Variants in UTRN observed in about 807,000 individuals in gnomAD.
UTRN encodes dystrophin-related protein 1.
In UTRN, 283 loss-of-function variants were observed where a neutral mutation model predicts 463.9. That is an observed-to-expected ratio of 0.61 (90% confidence interval 0.55 to 0.67). UTRN has a LOEUF of 0.67. Among genes scored for constraint, UTRN ranks in the 30% least tolerant of loss-of-function variants. UTRN has a pLI of 0.00. For synonymous variants in UTRN, 1,442 were observed against 1,431.5 expected (o/e 1.01, Z -0.17); for missense variants, 3,922 against 4,084.3 (o/e 0.96, Z 1.08).
intron 74 of UTRN, among the ~76,000 whole-genome samples, chr6:144,850,286 C>T (rs572138480): frequency 6.6e-5 from 10 of 152,140 alleles, no homozygotes; most frequent in Admixed American, 3.9e-4. Flanking sequence ...AGGATAAAGT[C>T]CCCCATAAAA....
At chr6:144,490,008 G>T (rs1036279862) in intron 30 of UTRN, 63 bp from the exon 31 acceptor site, 2 of 1,567,810 alleles carry the variant, frequency 1.3e-6, no homozygotes, top group African/African-American at 1.4e-5. Flanking sequence ...CTTTTGTATT[G>T]TCTCTTTTTA....
intron 9 of UTRN, among the ~76,000 whole-genome samples, chr6:144,432,725 T>C (rs1212303762): frequency 6.6e-6 from 1 of 151,940 alleles, no homozygotes; most frequent in Non-Finnish European, 1.5e-5. Flanking sequence ...CTTGGGTGTT[T>C]CTCGCAGAGG....
At chr6:144,581,457 A>G (rs1484244676) in intron 51 of UTRN, among the ~76,000 whole-genome samples, 5 of 151,970 alleles carry the variant, frequency 3.3e-5, no homozygotes, top group Non-Finnish European at 7.4e-5. Context: ...GCTCTCTAAT[A>G]ATTTACGTTT....
chr6:144,565,090 A>G (rs1395392484), intron 50 of UTRN, among the ~76,000 whole-genome samples: 1 of 152,188 alleles, frequency 6.6e-6, no homozygotes, highest in Non-Finnish European at 1.5e-5. Flanking sequence ...GTATGCCAGC[A>G]ATGATGGAAA....
chr6:144,565,083 T>C (rs1800283970), intron 50 of UTRN, among the ~76,000 whole-genome samples: 1 of 152,166 alleles, frequency 6.6e-6, no homozygotes, highest in Non-Finnish European at 1.5e-5. Context: ...GGCTACTGTA[T>C]GCCAGCAATG....
At position 144,693,443 on chromosome 6, in the gene UTRN, T is replaced by G. The variant is rs369113629; in HGVS notation, c.7653-6644T>G. On this transcript the variant is annotated intron_variant, in intron 52 of 74. Transcript: ENST00000367545. ...TTCTGTGAAGAACATTATTGGTAGT[T>G]TAATAGGAATAGCATTGAATTTATA... Among the ~76,000 whole-genome samples the G allele has an allele frequency of 3.3e-5, 5 of 152,334 alleles. No individual in the cohort carries two copies. In the East Asian group the frequency reaches 5.8e-4, roughly 18 times the overall value.
At position 144,430,410 on chromosome 6, in the gene UTRN, G is replaced by C. The variant is rs1785696127; in HGVS notation, c.855+669G>C. ...CCAGTCCTTGTAATTCATAAGATGA[G>C]AGAATCTTAAGAATTGGACCTTAGA... On this transcript the variant is annotated intron_variant, in intron 9 of 74. Coordinates refer to ENST00000367545, the MANE Select transcript of UTRN (RefSeq NM_007124.3). Among the ~76,000 whole-genome samples, 2 of 152,192 alleles carry C rather than the reference G, an allele frequency of 1.3e-5. 1 individual carries two copies. Among genetic ancestry groups the C allele is most frequent in the South Asian group, 4.1e-4 (2 of 4,820 alleles).
At chr6:144,695,147 A>T (rs993772729) in intron 52 of UTRN, among the ~76,000 whole-genome samples, 18 of 152,064 alleles carry the variant, frequency 1.2e-4, no homozygotes, top group African/African-American at 2.9e-4. Context: ...ATTTATCATA[A>T]TTTTTTAAAA....
chr6:144,800,733 T>C (rs1398124417), intron 64 of UTRN, among the ~76,000 whole-genome samples: 4 of 152,184 alleles, frequency 2.6e-5, no homozygotes, highest in African/African-American at 9.6e-5. Flanking sequence ...GCTCTTTTTG[T>C]TACTACCAAT....
At chr6:144,715,118 T>C (rs1245197806) in intron 53 of UTRN, among the ~76,000 whole-genome samples, 1 of 152,188 alleles carries the variant, frequency 6.6e-6, no homozygotes, top group Non-Finnish European at 1.5e-5. Context: ...TACTTGAGTG[T>C]GTAATAAACA....
chr6:144,842,528 G>A (rs1052240918), intron 73 of UTRN, among the ~76,000 whole-genome samples: 6 of 152,276 alleles, frequency 3.9e-5, no homozygotes, highest in Non-Finnish European at 7.4e-5. Context: ...GGCTGAAGTT[G>A]CAGTGAGTTG....
chr6:144,730,414 G>A lies in UTRN; in HGVS notation c.7867G>A (p.Ala2623Thr). 1 of 1,612,000 alleles carries A rather than the reference G, an allele frequency of 6.2e-7. No homozygotes were observed. The highest frequency in any genetic ancestry group is 1.7e-4 in the Middle Eastern group (1 of 6,052). ...TTCTGTCCTGAATGCTGTCGACCAG[G>A]CCCGAGTTTTCTTGGCTGATCAGCC... ...EYSVLNAVDQ[A>T]RVFLADQPIE... is the part of the protein sequence containing the mutation. The change falls in exon 54 of 75, where the codon GCC (alanine) becomes ACC (threonine). Residue 2623 changes from alanine (A) to threonine (T), a missense_variant. Transcript: ENST00000367545.
intron 7 of UTRN, among the ~76,000 whole-genome samples, 185 bp downstream of exon 7, chr6:144,426,644 C>A (rs1466292312): frequency 6.6e-6 from 1 of 152,132 alleles, no homozygotes; most frequent in East Asian, 1.9e-4. Flanking sequence ...GTTTTTATTT[C>A]CTTAGGACTT....
intron 51 of UTRN, among the ~76,000 whole-genome samples, chr6:144,611,540 C>G (rs1398339107): frequency 6.6e-6 from 1 of 152,124 alleles, no homozygotes; most frequent in African/African-American, 2.4e-5. Context: ...ATATAAAAAT[C>G]AGCAGTGTTT....
At chr6:144,494,395 C>T (rs537529650) in intron 33 of UTRN, among the ~76,000 whole-genome samples, 1 of 152,210 alleles carries the variant, frequency 6.6e-6, no homozygotes, top group Non-Finnish European at 1.5e-5. Context: ...TCGCTGGCTT[C>T]AGGAGTGAAG....
At chr6:144,347,851 T>TTTG in intron 2 of UTRN, among the ~76,000 whole-genome samples, 1 of 136,298 alleles carries the variant, frequency 7.3e-6, no homozygotes, top group East Asian at 2.0e-4. Context: ...TTTTTTTTTG[T>TTTG]TTTTTTTTTT....
chr6:144,546,374 G>C (rs769384382), intron 46 of UTRN, among the ~76,000 whole-genome samples: 20 of 152,112 alleles, frequency 1.3e-4, no homozygotes, highest in Admixed American at 2.0e-4. Context: ...CCCTCAAATA[G>C]CTTTTGCTTT....
intron 50 of UTRN, among the ~76,000 whole-genome samples, chr6:144,558,216 T>C (rs1799558738): frequency 6.6e-6 from 1 of 152,226 alleles, no homozygotes; most frequent in Non-Finnish European, 1.5e-5. Context: ...CAGAGTGTTA[T>C]TTTTAGTTAC....
intron 26 of UTRN, among the ~76,000 whole-genome samples, chr6:144,481,790 G>C (rs1312554300): frequency 6.6e-6 from 1 of 152,254 alleles, no homozygotes; most frequent in East Asian, 1.9e-4. Context: ...GGGTGCAGTG[G>C]CTCACGCCTC....
Sources: allele counts gnomAD v4.1 joint callset (sites outside exome capture counted in the v4.1 genomes callset), GRCh38; gene constraint gnomAD v4.1.1; transcripts MANE v1.5; gene names NCBI Gene and HGNC (gene_info 2026-07-23, HGNC 2026-07-21).